PTPRT: variants seen among roughly 807,000 people sequenced by gnomAD.
PTPRT encodes receptor-type tyrosine-protein phosphatase T.
PTPRT carries 56 observed loss-of-function variants against 176.8 expected under a neutral mutation model. The ratio of observed to expected loss-of-function variants is 0.32; its 90% CI spans 0.26 to 0.40. The LOEUF (loss-of-function observed/expected upper bound fraction) is 0.40. Ranked by LOEUF, PTPRT falls within the 10% of genes least tolerant of loss-of-function variation. The pLI, the probability that PTPRT is intolerant of heterozygous loss-of-function variation, is 1.00. For missense variants in PTPRT, 1,540 were observed against 1,908.2 expected (o/e 0.81, Z 3.60); for synonymous variants, 783 against 739.0 (o/e 1.06, Z -0.96).
chr20:42,947,538 C>T (rs1370081524), intron 1 of PTPRT, among the ~76,000 whole-genome samples: 1 of 152,132 alleles, frequency 6.6e-6, no homozygotes, highest in Non-Finnish European at 1.5e-5. Context: ...TCTGGGGGAC[C>T]AGACCAAACA....
chr20:42,850,538 G>A (rs1364670593), intron 2 of PTPRT, among the ~76,000 whole-genome samples: 3 of 152,204 alleles, frequency 2.0e-5, no homozygotes, highest in African/African-American at 7.2e-5. Flanking sequence ...CCAGTGTTGT[G>A]AATGTGCCTT....
intron 6 of PTPRT, among the ~76,000 whole-genome samples, chr20:42,749,737 A>C (rs1445702921): frequency 6.6e-6 from 1 of 152,218 alleles, no homozygotes; most frequent in Admixed American, 6.5e-5. Context: ...CTTATTACAG[A>C]ACCTGACACA....
intron 25 of PTPRT, among the ~76,000 whole-genome samples, chr20:42,103,431 G>A (rs1290833773): frequency 6.6e-6 from 1 of 152,134 alleles, no homozygotes; most frequent in Non-Finnish European, 1.5e-5. Flanking sequence ...CAATGCTGCT[G>A]GTCTCCAGAC....
intron 16 of PTPRT, among the ~76,000 whole-genome samples, chr20:42,164,979 A>G (rs1457071483): frequency 6.6e-6 from 1 of 152,082 alleles, no homozygotes; most frequent in Non-Finnish European, 1.5e-5. Flanking sequence ...CACACTTTTT[A>G]TATAGCTGTT....
At chr20:42,637,200 G>C (rs2074621982) in intron 7 of PTPRT, among the ~76,000 whole-genome samples, 1 of 152,116 alleles carries the variant, frequency 6.6e-6, no homozygotes, top group African/African-American at 2.4e-5. Flanking sequence ...GACACTGCTG[G>C]TCAGGGAACT....
Position 43,189,560 on chromosome 20 carries a change from T to G in PTPRT, c.88+86A>C. 1.1e-6 allele frequency: 1 copy of G among 914,448 alleles called. No individual in the cohort carries two copies. Among genetic ancestry groups the G allele is most frequent in the Non-Finnish European group, 1.4e-6 (1 of 716,964 alleles). 56.6% of individuals were successfully genotyped at this position (914,448 alleles called of 1,614,324 possible). A position where few individuals can be genotyped will look rare whatever the true frequency, so the allele number is the denominator to read the frequency against. The stretch of plus-strand genomic sequence containing the variant: ...CGCGCCCCCGCGAGCCCACACAACT[T>G]TCTCCTCCGAGGGCCCCGCGGCTGG... On this transcript the variant is annotated intron_variant, in intron 1 of 30. Transcript: ENST00000373187. The surrounding 1 kb of genome is among the most constrained non-coding windows in gnomAD (Gnocchi z 5.0).
chr20:42,051,132 G>C, the PTPRT span, among the ~76,000 whole-genome samples: 1 of 152,144 alleles, frequency 6.6e-6, no homozygotes. Context: ...AGACTGGCTT[G>C]GGCCCACGGT....
At chr20:42,564,473 A>T (rs2073006189) in intron 7 of PTPRT, among the ~76,000 whole-genome samples, 1 of 152,234 alleles carries the variant, frequency 6.6e-6, no homozygotes. Flanking sequence ...AAACTAACAC[A>T]GGAACAGAAA....
In PTPRT at chr20:42,104,738, G is replaced by C. The variant is rs759438266; in HGVS notation, c.3391-20C>G. 3.9e-6 allele frequency: 6 copies of C among 1,550,254 alleles called. No homozygotes were observed. The Admixed American group carries it at 1.0e-4, about 26-fold the overall frequency. On this transcript the variant is annotated intron_variant, in intron 24 of 30. Coordinates refer to ENST00000373187, the MANE Select transcript of PTPRT (RefSeq NM_007050.6). ...TTGCTCCTGCAAAGTCAGAAGAGAG[G>C]GAATGGGGTGCCAGGTAAGAACAGT... is the stretch of plus-strand genomic sequence containing the variant.
At chr20:42,474,085 G>T (rs1048367042) in intron 7 of PTPRT, among the ~76,000 whole-genome samples, 5 of 152,138 alleles carry the variant, frequency 3.3e-5, no homozygotes, top group African/African-American at 4.8e-5. Flanking sequence ...GATAACTGGG[G>T]TGTGTTGTTT....
chr20:42,473,924 C>T (rs1172285104), intron 7 of PTPRT, among the ~76,000 whole-genome samples: 1 of 152,094 alleles, frequency 6.6e-6, no homozygotes, highest in Non-Finnish European at 1.5e-5. Context: ...CAGAACTTTG[C>T]CCAATTATGT....
At chr20:42,882,637 T>C (rs1286968378) in intron 2 of PTPRT, among the ~76,000 whole-genome samples, 4 of 152,240 alleles carry the variant, frequency 2.6e-5, no homozygotes, top group African/African-American at 9.6e-5. Flanking sequence ...TATTTGCCCA[T>C]CCACACATCC....
At chr20:42,796,274 C>T (rs929570928) in intron 2 of PTPRT, among the ~76,000 whole-genome samples, 1 of 152,210 alleles carries the variant, frequency 6.6e-6, no homozygotes, top group African/African-American at 2.4e-5. Context: ...AGCCACATTT[C>T]AAGTGCCCAG....
intron 13 of PTPRT, among the ~76,000 whole-genome samples, chr20:42,260,042 C>A (rs1014406098): frequency 6.6e-6 from 1 of 152,184 alleles, no homozygotes; most frequent in Admixed American, 6.5e-5. Context: ...TTAGACAACA[C>A]TACTGTCTTG....
In PTPRT at chr20:42,690,265, C is replaced by T. The variant is rs569392411; in HGVS notation, c.860-12106G>A. Among the ~76,000 whole-genome samples, 15 of 152,152 alleles carry T rather than the reference C, an allele frequency of 9.9e-5. No individual in the cohort carries two copies. The East Asian group carries it at 1.7e-3, about 18-fold the overall frequency. ...TGAGGCTGTGTAAGCAGTGGTGTCA[C>T]GTAGGCACAAGAGTTTTAGGGACAA... On this transcript the variant is annotated intron_variant, in intron 6 of 30. Coordinates refer to ENST00000373187, the MANE Select transcript of PTPRT (RefSeq NM_007050.6).
At chr20:42,841,610 TAC>T (rs3973897) in intron 2 of PTPRT, among the ~76,000 whole-genome samples, 33,283 of 140,334 alleles carry the variant, frequency 0.24, 3,711 homozygotes, top group Non-Finnish European at 0.29. Flanking sequence ...TAGTGTTAAA[TAC>T]ACACACACAC....
At chr20:42,625,366 G>C (rs1469740738) in intron 7 of PTPRT, among the ~76,000 whole-genome samples, 2 of 151,988 alleles carry the variant, frequency 1.3e-5, no homozygotes, top group African/African-American at 4.8e-5. Context: ...GGAATGAATA[G>C]GTATGTACTA....
chr20:42,867,390 A>G (rs1177014550), intron 2 of PTPRT, among the ~76,000 whole-genome samples: 1 of 102,174 alleles, frequency 9.8e-6, no homozygotes, highest in Non-Finnish European at 1.9e-5. Context: ...AAGAACACAG[A>G]TTTTTTTTTT....
intron 7 of PTPRT, among the ~76,000 whole-genome samples, chr20:42,520,282 T>A (rs931413861): frequency 1.3e-5 from 2 of 152,098 alleles, no homozygotes; most frequent in Admixed American, 1.3e-4. Flanking sequence ...TAATGAATAT[T>A]TATGAAGCAA....
Sources: allele counts gnomAD v4.1 joint callset (sites outside exome capture counted in the v4.1 genomes callset), GRCh38; gene constraint gnomAD v4.1.1; non-coding constraint Gnocchi (gnomAD v3.1); transcripts MANE v1.5; gene names NCBI Gene and HGNC (gene_info 2026-07-23, HGNC 2026-07-21).